MACROD2: variants seen among roughly 807,000 people sequenced by gnomAD.
The protein encoded by MACROD2 is ADP-ribose glycohydrolase MACROD2.
MACROD2 carries 36 observed loss-of-function variants against 70.4 expected under a neutral mutation model. That is an observed-to-expected ratio of 0.51 (90% CI 0.39 to 0.68). The LOEUF is 0.68. MACROD2 is among the 30% of genes least tolerant of loss of function. MACROD2 has a pLI of 0.00. For synonymous variants in MACROD2, 172 were observed against 178.8 expected, an observed-to-expected ratio of 0.96 and a Z score of 0.30; for missense variants, 496 against 538.4, an observed-to-expected ratio of 0.92 and a Z score of 0.78.
At chr20:14,893,343 T>G (rs1003276657) in intron 5 of MACROD2, 16 of 152,124 alleles carry the variant, frequency 1.1e-4, no homozygotes, top group African/African-American at 3.1e-4. Flanking sequence ...CATATGGTGA[T>G]TCCATGTTTA....
chr20:14,684,450 G>A (rs971058386), intron 4 of MACROD2, among the ~76,000 whole-genome samples: 5 of 152,118 alleles, frequency 3.3e-5, no homozygotes, highest in East Asian at 1.9e-4. Context: ...GGGAAAGAGA[G>A]ACAATTGTGA....
At chr20:15,685,074 G>T (rs1568973887) in intron 8 of MACROD2, among the ~76,000 whole-genome samples, 1 of 151,960 alleles carries the variant, frequency 6.6e-6, no homozygotes, top group Non-Finnish European at 1.5e-5. Context: ...CTCACTGGTG[G>T]TATAAGGATC....
chr20:15,016,365 T>G (rs1010460968), intron 5 of MACROD2, among the ~76,000 whole-genome samples: 3 of 152,172 alleles, frequency 2.0e-5, no homozygotes, highest in African/African-American at 7.2e-5. Flanking sequence ...CTGCTGACTC[T>G]CCTTTCCTGT....
At chr20:14,563,881 G>C (rs1640279815) in intron 4 of MACROD2, among the ~76,000 whole-genome samples, 1 of 151,898 alleles carries the variant, frequency 6.6e-6, no homozygotes, top group African/African-American at 2.4e-5. Context: ...AAAAGAACCT[G>C]AATAGTGAAA....
intron 7 of MACROD2, among the ~76,000 whole-genome samples, chr20:15,442,520 T>C (rs920569815): frequency 4.6e-5 from 7 of 152,192 alleles, no homozygotes; most frequent in African/African-American, 1.2e-4. Flanking sequence ...AAGATGTGTA[T>C]ATGGCAAGCA....
At chr20:15,083,317 C>T (rs1418739049) in intron 5 of MACROD2, among the ~76,000 whole-genome samples, 1 of 152,140 alleles carries the variant, frequency 6.6e-6, no homozygotes, top group African/African-American at 2.4e-5. Context: ...CCCAGCTTAA[C>T]CAAGCAGACA....
At chr20:16,023,383 G>A (rs2147559361) in intron 15 of MACROD2, among the ~76,000 whole-genome samples, 1 of 148,170 alleles carries the variant, frequency 6.7e-6, no homozygotes, top group Middle Eastern at 4.1e-3. Context: ...GCTGAGGCAG[G>A]AGAATGGCTG....
intron 3 of MACROD2, among the ~76,000 whole-genome samples, chr20:14,310,532 A>C (rs536006707): frequency 6.6e-6 from 1 of 152,192 alleles, no homozygotes; most frequent in Non-Finnish European, 1.5e-5. Flanking sequence ...AGGTGTATAA[A>C]AGTATAGCAC....
chr20:16,040,445 G>T (rs907701696), intron 15 of MACROD2, among the ~76,000 whole-genome samples: 1 of 151,842 alleles, frequency 6.6e-6, no homozygotes, highest in Non-Finnish European at 1.5e-5. Flanking sequence ...CTTTATGTAT[G>T]TATTTGTATT....
chr20:15,360,306 T>C (rs1339521650), intron 6 of MACROD2, among the ~76,000 whole-genome samples: 1 of 152,170 alleles, frequency 6.6e-6, no homozygotes, highest in African/African-American at 2.4e-5. Flanking sequence ...AAATAAAAGT[T>C]ACTGTGAACA....
At chr20:14,266,797 A>G (rs78800950) in intron 3 of MACROD2, among the ~76,000 whole-genome samples, 2,316 of 152,322 alleles carry the variant, frequency 0.015, 24 homozygotes, top group African/African-American at 0.027. Context: ...TATAAAGTAT[A>G]CCATAAAATA....
At chr20:14,713,030 A>C (rs1600574700) in intron 5 of MACROD2, among the ~76,000 whole-genome samples, 2 of 152,294 alleles carry the variant, frequency 1.3e-5, no homozygotes, top group East Asian at 3.9e-4. Flanking sequence ...AAAAAGAAAA[A>C]AGATAATGGA....
At chr20:14,006,118 C>G (rs2052815761) in intron 2 of MACROD2, among the ~76,000 whole-genome samples, 1 of 152,130 alleles carries the variant, frequency 6.6e-6, no homozygotes, top group Admixed American at 6.5e-5. Flanking sequence ...GTATTCTGTA[C>G]AGTAACATGC....
chr20:15,383,383 T>C (rs540873350), intron 6 of MACROD2, among the ~76,000 whole-genome samples: 3 of 152,294 alleles, frequency 2.0e-5, no homozygotes, highest in Admixed American at 6.5e-5. Context: ...GATACTGTTC[T>C]AGTTGAAGTT....
chr20:14,237,700 C>T (rs1007811770), intron 3 of MACROD2, among the ~76,000 whole-genome samples: 3 of 147,334 alleles, frequency 2.0e-5, no homozygotes, highest in African/African-American at 5.0e-5. Context: ...CCCTCCCCCC[C>T]ACCCCAAAAC....
chr20:14,008,524 A>C (rs1188208703), intron 2 of MACROD2, among the ~76,000 whole-genome samples: 2 of 152,246 alleles, frequency 1.3e-5, no homozygotes, highest in Non-Finnish European at 2.9e-5. Context: ...AATCAATATT[A>C]CAAAAATGGT....
chr20:15,032,228 G>A (rs1018401935), intron 5 of MACROD2, among the ~76,000 whole-genome samples: 3 of 152,168 alleles, frequency 2.0e-5, no homozygotes, highest in Non-Finnish European at 2.9e-5. Context: ...GGATTCCTGG[G>A]TCCGGAGCTG....
intron 4 of MACROD2, among the ~76,000 whole-genome samples, chr20:14,556,093 C>T (rs2423817): frequency 0.98 from 148,923 of 152,176 alleles, 72,954 homozygotes; most frequent in East Asian, 1. Flanking sequence ...AAGGAATAAT[C>T]TGGTACCTTC....
intron 5 of MACROD2, among the ~76,000 whole-genome samples, chr20:15,040,380 C>G (rs2075346706): frequency 6.6e-6 from 1 of 151,950 alleles, no homozygotes; most frequent in African/African-American, 2.4e-5. Context: ...TGGGTCCACT[C>G]CTTCCTTTTA....
Sources: gnomAD v4.1 joint callset for allele counts (sites outside exome capture counted in the v4.1 genomes callset) on GRCh38, gnomAD v4.1.1 for gene constraint, MANE v1.5 for transcripts, NCBI Gene and HGNC (gene_info 2026-07-23, HGNC 2026-07-21) for gene names.